KTN1: variants seen among roughly 807,000 people sequenced by gnomAD.
The protein encoded by KTN1 is kinectin 1.
Under a neutral mutation model 222.5 loss-of-function variants are expected in KTN1, and 130 were observed. That is an observed-to-expected ratio of 0.58 (90% CI 0.51 to 0.68). The LOEUF is 0.68. Among genes scored for constraint, KTN1 ranks in the 30% least tolerant of loss-of-function variants. The probability of loss-of-function intolerance (pLI) is 0.00; values close to 1 mark genes in which losing one functional copy is unlikely to be tolerated. For synonymous variants in KTN1, 512 were observed against 496.3 expected (o/e 1.03, Z -0.42); for missense variants, 1,508 against 1,500.4 (o/e 1.01, Z -0.08).
chr14:55,671,723 A>G (rs919864695), intron 36 of KTN1, 62 bp from the exon 37 acceptor site: 7 of 1,531,648 alleles, frequency 4.6e-6, no homozygotes, highest in South Asian at 1.1e-5. Flanking sequence ...TTCATGGCCT[A>G]AATAGTTTTA....
chr14:55,672,312 G>T, intron 37 of KTN1: 1 of 244,898 alleles, frequency 4.1e-6, no homozygotes, highest in South Asian at 1.1e-4. Context: ...CTTATTTTTT[G>T]GGGCCAATGT....
At chr14:55,627,839 C>G (rs1451104907) in intron 5 of KTN1, 73 bp from the exon 6 acceptor site, 4 of 875,394 alleles carry the variant, frequency 4.6e-6, no homozygotes. Flanking sequence ...GTATATGTGC[C>G]ACATTTCATT....
intron 1 of KTN1, among the ~76,000 whole-genome samples, chr14:55,581,482 G>T (rs2031628104): frequency 6.6e-6 from 1 of 151,742 alleles, no homozygotes; most frequent in Admixed American, 6.6e-5. Context: ...TGATGACTTT[G>T]TGGAAAGCCT....
chr14:55,667,260 A>C lies in KTN1; in HGVS notation c.3197A>C (p.Glu1066Ala), dbSNP rs766490732. 6.2e-7 allele frequency: 1 copy of C among 1,603,376 alleles called. No individual in the cohort carries two copies. Among genetic ancestry groups the C allele is most frequent in the South Asian group, 1.1e-5 (1 of 89,770 alleles). ...KTSKERQQQV[E>A]AVELEAKEVL... is the part of the protein sequence containing the mutation. ...CTTTAGGAAAGGCAGCAACAGGTGG[A>C]AGCTGTTGAGTTGGAGGCTAAAGAA... The change falls in exon 34 of 44, where the codon GAA (glutamate) becomes GCA (alanine). Residue 1066 changes from glutamate (E) to alanine (A), a missense_variant. Transcript: ENST00000395314.
chr14:55,619,321 G>GT lies in KTN1; in HGVS notation c.963+15dup. The stretch of plus-strand genomic sequence containing the variant: ...AAGATGCTTTAAAGAAGGTAAGCGT[G>GT]TTTTTTGATTATGGGCATATTCATG... On this transcript the variant is annotated intron_variant, in intron 5 of 43. Transcript: ENST00000395314. The GT allele has an allele frequency of 6.2e-7, 1 of 1,611,976 alleles. No individual in the cohort carries two copies. The highest frequency in any genetic ancestry group is 8.5e-7 in the Non-Finnish European group (1 of 1,179,290).
intron 1 of KTN1, among the ~76,000 whole-genome samples, chr14:55,604,772 AG>A (rs2140503785): frequency 6.6e-6 from 1 of 152,038 alleles, no homozygotes; most frequent in African/African-American, 2.4e-5. Context: ...ACATATTCAT[AG>A]GTTTGATTTA....
chr14:55,681,373 C>T (rs1179411048), intron 43 of KTN1: 1 of 152,166 alleles, frequency 6.6e-6, no homozygotes, highest in Non-Finnish European at 1.5e-5. Flanking sequence ...GCCTTTCGAC[C>T]TAAGCGATAT....
chr14:55,666,615 A>C (rs2044776724), intron 33 of KTN1, among the ~76,000 whole-genome samples: 1 of 151,954 alleles, frequency 6.6e-6, no homozygotes, highest in African/African-American at 2.4e-5. Context: ...TCCATATACA[A>C]GTGTCAGAAC....
At chr14:55,655,621 G>A (rs1052145888) in intron 28 of KTN1, among the ~76,000 whole-genome samples, 41 of 152,088 alleles carry the variant, frequency 2.7e-4, no homozygotes, top group African/African-American at 6.5e-4. Context: ...TAAGATTTAC[G>A]TCAGCATTGG....
At position 55,612,505 on chromosome 14, in the gene KTN1, A is replaced by T. The variant is rs1566708764; in HGVS notation, c.457A>T (p.Thr153Ser). The T allele has an allele frequency of 1.2e-6, 2 of 1,612,592 alleles. No homozygotes were observed. The highest frequency in any genetic ancestry group is 8.5e-7 in the Non-Finnish European group (1 of 1,179,624). ...VEPVPVTKQP[T>S]PPSEAAASKK... Reference sequence around the variant, plus strand: ...ACCTGTCCCAGTTACTAAACAGCCCACCCCTCCCTCTGAAGCAGCTGCCTC... The same window carrying T: ...ACCTGTCCCAGTTACTAAACAGCCCTCCCCTCCCTCTGAAGCAGCTGCCTC... The change falls in exon 2 of 44, where the codon ACC (threonine) becomes TCC (serine). Residue 153 changes from threonine (T) to serine (S), a missense_variant. By Grantham distance (58) the Thr-to-Ser change is moderately conservative. Coordinates refer to ENST00000395314, the MANE Select transcript of KTN1 (RefSeq NM_001079521.2).
At chr14:55,583,181 A>G (rs992822719) in intron 1 of KTN1, among the ~76,000 whole-genome samples, 4 of 152,206 alleles carry the variant, frequency 2.6e-5, no homozygotes, top group African/African-American at 9.6e-5. Flanking sequence ...TCTGAGGTCT[A>G]GAGAAAGAGA....
At chr14:55,626,834 T>C (rs2039892713) in intron 5 of KTN1, among the ~76,000 whole-genome samples, 1 of 152,178 alleles carries the variant, frequency 6.6e-6, no homozygotes, top group Non-Finnish European at 1.5e-5. Context: ...GAGTGATGTT[T>C]TTCCTCTTGA....
intron 8 of KTN1, 96 bp downstream of exon 8, chr14:55,633,437 TTTGTG>T (rs1001768664): frequency 1.6e-5 from 11 of 688,118 alleles, no homozygotes; most frequent in East Asian, 9.7e-5. Flanking sequence ...TGGTTAGACT[TTTGTG>T]TTTTTACATT....
intron 5 of KTN1, among the ~76,000 whole-genome samples, chr14:55,620,070 A>G (rs2038934402): frequency 6.6e-6 from 1 of 152,218 alleles, no homozygotes; most frequent in South Asian, 2.1e-4. Context: ...GAAATTGGCC[A>G]AAATAAAAGG....
At position 55,618,159 on chromosome 14, in the gene KTN1, T is replaced by C. The variant is rs2038654182; in HGVS notation, c.832+25T>C. On this transcript the variant is annotated intron_variant, in intron 4 of 43. Coordinates refer to ENST00000395314, the MANE Select transcript of KTN1 (RefSeq NM_001079521.2). ...GGTAATATATGGGATTTATAGTCTT[T>C]GTTGTACTATAAAAACACATTTCTG... 2.6e-6 allele frequency: 4 copies of C among 1,544,300 alleles called. No homozygotes were observed. The Admixed American group carries it at 7.3e-5, about 28-fold the overall frequency.
chr14:55,666,162 TTAAC>T (rs2044714873), intron 33 of KTN1, among the ~76,000 whole-genome samples: 1 of 152,006 alleles, frequency 6.6e-6, no homozygotes, highest in Non-Finnish European at 1.5e-5. Flanking sequence ...CTGCTGATCT[TTAAC>T]AGCTTTTTGT....
rs188415292 is a variant in KTN1, at chr14:55,666,931, G to A, written c.3178-310G>A. Among the ~76,000 whole-genome samples the A allele has an allele frequency of 5.3e-5, 8 of 152,010 alleles. No homozygotes were observed. In the East Asian group the frequency reaches 1.2e-3, roughly 22 times the overall value. ...TTTAGCTATAAGAAATGCTTTTTGT[G>A]TGTCTGATTTTGAATTGTTCCTGGA... On this transcript the variant is annotated intron_variant, in intron 33 of 43. Coordinates refer to ENST00000395314, the MANE Select transcript of KTN1 (RefSeq NM_001079521.2).
At chr14:55,683,292 C>CAT (rs1238052645) in intron 43 of KTN1, 4 of 152,114 alleles carry the variant, frequency 2.6e-5, no homozygotes, top group Non-Finnish European at 1.5e-5. Flanking sequence ...TATTTCAACA[C>CAT]ATAAAGTTGA....
rs918190535 is a variant in KTN1 at position 55,653,070 on chromosome 14, A to G, written c.2748A>G (p.Gln916=). The G allele has an allele frequency of 3.1e-6, 5 of 1,595,158 alleles. No individual in the cohort carries two copies. Among genetic ancestry groups the G allele is most frequent in the Non-Finnish European group, 4.3e-6 (5 of 1,163,796 alleles). The change falls in exon 27 of 44, where the codon CAA becomes CAG. Residue 916 remains glutamine (Q), a synonymous_variant. Coordinates refer to ENST00000395314, the MANE Select transcript of KTN1 (RefSeq NM_001079521.2). ...AAGCACATGTTCAGGAAGTAGCACAACATAACTTGAAAGAGGTATAGTATA... is the reference window on the plus strand; with the variant it reads ...AAGCACATGTTCAGGAAGTAGCACAGCATAACTTGAAAGAGGTATAGTATA... ...SLKAHVQEVA[Q]HNLKEASSAS...
Sources: allele counts gnomAD v4.1 joint callset (sites outside exome capture counted in the v4.1 genomes callset), GRCh38; gene constraint gnomAD v4.1.1; transcripts MANE v1.5; gene names NCBI Gene and HGNC (gene_info 2026-07-23, HGNC 2026-07-21).